The following LATS1 variants were observed in gnomAD, a reference collection of about 807,000 sequenced individuals.
The protein encoded by LATS1 is large tumor suppressor kinase 1.
Under a neutral mutation model 106.6 loss-of-function variants are expected in LATS1, and 25 were observed. The observed-to-expected ratio is 0.23, with a 90% CI of 0.17 to 0.33. The LOEUF (loss-of-function observed/expected upper bound fraction) is 0.33, where lower values mean the gene tolerates loss of function less well. Ranked by LOEUF, LATS1 falls within the 10% of genes least tolerant of loss-of-function variation. The pLI, the probability that LATS1 is intolerant of heterozygous loss-of-function variation, is 1.00. For missense variants in LATS1, 1,040 were observed against 1,382.6 expected, an observed-to-expected ratio of 0.75 and a Z score of 3.93; for synonymous variants, 465 against 455.6, an observed-to-expected ratio of 1.02 and a Z score of -0.26.
intron 3 of LATS1, among the ~76,000 whole-genome samples, chr6:149,692,252 G>T (rs774710664): frequency 6.6e-6 from 1 of 152,094 alleles, no homozygotes. Flanking sequence ...TCACAATCCT[G>T]TGTTCAGTGC....
Position 149,660,703 on chromosome 6 carries a change from CTAAT to C in LATS1, c.*1022_*1025del, listed in dbSNP as rs1460812350. 5 of 229,602 alleles carry C rather than the reference CTAAT, an allele frequency of 2.2e-5. No individual in the cohort carries two copies. Among genetic ancestry groups the C allele is most frequent in the African/African-American group, 1.1e-4 (5 of 45,120 alleles). 14.2% of individuals were successfully genotyped at this position (229,602 alleles called of 1,614,324 possible). A position where few individuals can be genotyped will look rare whatever the true frequency, so the allele number is the denominator to read the frequency against. ...TACTAAGACCACTCTGTAAACTTTC[CTAAT>C]TATTAATGGCCATCTTAAGAGTTAA... is the stretch of plus-strand genomic sequence containing the variant. On this transcript the variant is annotated 3_prime_UTR_variant, in exon 8 of 8. Coordinates refer to ENST00000543571, the MANE Select transcript of LATS1 (RefSeq NM_004690.4).
rs747900347 is a variant in LATS1, at chr6:149,702,044, C to T, written c.83G>A (p.Arg28Gln). 26 of 1,613,912 alleles carry T rather than the reference C, an allele frequency of 1.6e-5. 1 individual carries two copies. The highest frequency in any genetic ancestry group is 2.7e-5 in the African/African-American group (2 of 74,882). The change falls in exon 2 of 8, where the codon CGG (arginine) becomes CAG (glutamine). Residue 28 changes from arginine (R) to glutamine (Q), a missense_variant. This residue lies in a region of LATS1 where 624 missense variants were observed against 714.8 expected (regional missense o/e 0.87). Coordinates refer to ENST00000543571, the MANE Select transcript of LATS1 (RefSeq NM_004690.4). The part of the protein sequence containing the change: ...FPASNYTVSS[R>Q]QMLQEIRESL... Reference sequence around the variant, plus strand: ...TTCCCGAATTTCTTGTAACATTTGCCGGCTACTGACAGTATAGTTACTGGC... The same window carrying T: ...TTCCCGAATTTCTTGTAACATTTGCTGGCTACTGACAGTATAGTTACTGGC...
At position 149,679,950 on chromosome 6, in the gene LATS1, C is replaced by T; in HGVS notation, c.2518G>A (p.Gly840Ser). Residue 840 changes from glycine to serine, a missense_variant, in exon 5 of 8, where the codon GGT becomes AGT. This residue lies in a region of LATS1 where 167 missense variants were observed against 332.1 expected (regional missense o/e 0.50). Coordinates refer to ENST00000543571, the MANE Select transcript of LATS1 (RefSeq NM_004690.4). ...CCAAAGTCAGTCAATTTAATATGAC[C>T]ATCACGATCAATCAAAATATTATCA... Reference protein sequence around the residue: ...KPDNILIDRDGHIKLTDFGLC... With the variant: ...KPDNILIDRDSHIKLTDFGLC... 6.2e-7 allele frequency: 1 copy of T among 1,613,930 alleles called. No individual in the cohort carries two copies. The highest frequency in any genetic ancestry group is 8.5e-7 in the Non-Finnish European group (1 of 1,179,904).
At chr6:149,684,621 A>T in intron 3 of LATS1, 29 bp from the exon 4 acceptor site, 1 of 1,472,986 alleles carries the variant, frequency 6.8e-7, no homozygotes, top group South Asian at 1.5e-5. Flanking sequence ...TAAAGAGAAA[A>T]AAGAATCATG....
At chr6:149,672,950 AAAC>A (rs1781518450) in intron 7 of LATS1, among the ~76,000 whole-genome samples, 1 of 152,012 alleles carries the variant, frequency 6.6e-6, no homozygotes, top group Non-Finnish European at 1.5e-5. Context: ...GTTTCAAAAA[AAAC>A]AACAACGAAG....
rs144301685 is a variant in LATS1 at position 149,661,549 on chromosome 6, A to G, written c.*180T>C. 2,428 of 503,952 alleles carry G rather than the reference A, an allele frequency of 4.8e-3. 134 individuals carry two copies. The Admixed American group carries it at 0.076, about 16-fold the overall frequency. 31.2% of individuals were successfully genotyped at this position (503,952 alleles called of 1,614,324 possible). On this transcript the variant is annotated 3_prime_UTR_variant, in exon 8 of 8. Transcript: ENST00000543571. ...CAATTTTTTTCTAAATACTGATTTA[A>G]ACGGCTGGAATAAATTAACATTTTA...
intron 7 of LATS1, among the ~76,000 whole-genome samples, chr6:149,665,092 CTCA>C (rs1781072340): frequency 6.6e-6 from 1 of 152,144 alleles, no homozygotes; most frequent in Non-Finnish European, 1.5e-5. Context: ...GGTGCAGTGG[CTCA>C]TCACGCCTGT....
intron 1 of LATS1, among the ~76,000 whole-genome samples, chr6:149,714,219 A>G (rs1784262903): frequency 6.6e-6 from 1 of 151,884 alleles, no homozygotes; most frequent in Non-Finnish European, 1.5e-5. Flanking sequence ...TGATCCACAC[A>G]CCTCAGCCTC....
At chr6:149,670,189 A>AAAAAAAAAG (rs1781372096) in intron 7 of LATS1, among the ~76,000 whole-genome samples, 1 of 102,462 alleles carries the variant, frequency 9.8e-6, no homozygotes, top group Admixed American at 1.2e-4. Context: ...AAAAAAAAAA[A>AAAAAAAAAG]AAAAGAAAAG....
intron 7 of LATS1, 191 bp downstream of exon 7, chr6:149,676,069 C>G (rs1781704639): frequency 5.5e-6 from 3 of 542,264 alleles, no homozygotes; most frequent in Admixed American, 6.7e-5. Flanking sequence ...CCAGGCTGAT[C>G]TTGAACTCCT....
intron 7 of LATS1, among the ~76,000 whole-genome samples, chr6:149,672,351 T>C (rs1038168070): frequency 6.6e-6 from 1 of 151,472 alleles, no homozygotes; most frequent in Non-Finnish European, 1.5e-5. Context: ...CTGGAGTTTA[T>C]AGGTGCCTGC....
chr6:149,676,370 A>G lies in LATS1; in HGVS notation c.2777-4T>C. 4.4e-6 allele frequency: 7 copies of G among 1,592,606 alleles called. No individual in the cohort carries two copies. Among genetic ancestry groups the G allele is most frequent in the Non-Finnish European group, 4.3e-6 (5 of 1,163,848 alleles). On this transcript the variant is annotated splice_region_variant and splice_polypyrimidine_tract_variant and intron_variant, in intron 6 of 7. Coordinates refer to ENST00000543571, the MANE Select transcript of LATS1 (RefSeq NM_004690.4). ...CAATCACACAACTGTGTGTATCCTA[A>G]AATAACAAAGTTATTTATAAGCACT...
rs546171490 is a variant in LATS1, at chr6:149,701,162, A to T, written c.348+617T>A. On this transcript the variant is annotated intron_variant, in intron 2 of 7. Transcript: ENST00000543571. ...ATGACTCCTGACACCTAAAATATTCATGCTTACAAGGTATGTTATCATAAG... is the reference window on the plus strand; with the variant it reads ...ATGACTCCTGACACCTAAAATATTCTTGCTTACAAGGTATGTTATCATAAG... Among the ~76,000 whole-genome samples, 122 of 152,362 alleles carry T rather than the reference A, an allele frequency of 8.0e-4. 1 individual carries two copies. Among genetic ancestry groups the T allele is most frequent in the Admixed American group, 1.5e-3 (23 of 15,306 alleles).
At chr6:149,697,233 A>G in intron 2 of LATS1, 1 of 886,458 alleles carries the variant, frequency 1.1e-6, no homozygotes, top group Non-Finnish European at 1.7e-6. Context: ...CAAAGAAAGG[A>G]TGTGGTAAGA....
intron 3 of LATS1, among the ~76,000 whole-genome samples, chr6:149,692,658 ATTCTTT>A (rs1384966988): frequency 1.1e-4 from 16 of 151,600 alleles, no homozygotes; most frequent in Middle Eastern, 3.4e-3. Flanking sequence ...TTATAAATCA[ATTCTTT>A]TTCTTTTTCT....
intron 3 of LATS1, among the ~76,000 whole-genome samples, chr6:149,694,661 A>C (rs1008616413): frequency 1.2e-4 from 18 of 152,352 alleles, no homozygotes; most frequent in Non-Finnish European, 2.2e-4. Flanking sequence ...AAAGACTGGG[A>C]AACAAAATAC....
rs561013218 is a variant in LATS1, at chr6:149,686,153, A to G, written c.497-1561T>C. ...TATATCTAACAATACATCTGAGAAA[A>G]AAAGTGGTAAAATGTGGTAAATGTT... On this transcript the variant is annotated intron_variant, in intron 3 of 7. Coordinates refer to ENST00000543571, the MANE Select transcript of LATS1 (RefSeq NM_004690.4). 1.1e-4 allele frequency among the ~76,000 whole-genome samples: 17 copies of G among 152,346 alleles called. 1 individual carries two copies. In the South Asian group the frequency reaches 3.3e-3, roughly 30 times the overall value.
chr6:149,674,861 G>A (rs1207789311), intron 7 of LATS1, among the ~76,000 whole-genome samples: 2 of 152,008 alleles, frequency 1.3e-5, no homozygotes, highest in South Asian at 2.1e-4. Context: ...AGGAGATCAC[G>A]CCACTGCATT....
At position 149,694,403 on chromosome 6, in the gene LATS1, G is replaced by A. The variant is rs564403862; in HGVS notation, c.496+671C>T. Among the ~76,000 whole-genome samples, 11 of 152,240 alleles carry A rather than the reference G, an allele frequency of 7.2e-5. No homozygotes were observed. In the East Asian group the frequency reaches 1.5e-3, roughly 21 times the overall value. On this transcript the variant is annotated intron_variant, in intron 3 of 7. Transcript: ENST00000543571. The stretch of plus-strand genomic sequence containing the variant: ...CTGGAGTGCAGTGGCAGGATCACCC[G>A]GGCTTAGGTAAGCCTCCCGCATCAG...
Sources: gnomAD v4.1 joint callset for allele counts (sites outside exome capture counted in the v4.1 genomes callset) on GRCh38, gnomAD v4.1.1 for gene constraint, gnomAD v4.1.1 regional missense constraint, MANE v1.5 for transcripts, NCBI Gene and HGNC (gene_info 2026-07-23, HGNC 2026-07-21) for gene names.